Variants in DORIP1 observed in about 807,000 individuals in gnomAD.
The protein encoded by DORIP1 is dopamine receptor interacting protein 1.
the DORIP1 span, chr14:44,905,160 A>AT: frequency 1.0e-5 from 4 of 384,260 alleles, no homozygotes; most frequent in Admixed American, 1.8e-4. Flanking sequence ...CATACAGGTT[A>AT]TAAGTTCATC....
At chr14:44,899,822 GA>G in the DORIP1 span, among the ~76,000 whole-genome samples, 2,465 of 137,800 alleles carry the variant, frequency 0.018, 282 homozygotes, top group African/African-American at 0.071. Context: ...TTTCATTTAG[GA>G]ATTTTTTTTT....
chr14:44,903,849 T>A, the DORIP1 span: 4 of 985,072 alleles, frequency 4.1e-6, no homozygotes, highest in Non-Finnish European at 4.8e-6. Context: ...CTGAAACAGA[T>A]GGTTTTCTGG....
the DORIP1 span, among the ~76,000 whole-genome samples, chr14:44,898,102 C>G: frequency 1.3e-5 from 2 of 152,100 alleles, no homozygotes; most frequent in African/African-American, 4.8e-5. Flanking sequence ...TTGGAGGGCC[C>G]GTAGAGCCTG....
At chr14:44,898,317 C>G in the DORIP1 span, among the ~76,000 whole-genome samples, 3 of 152,100 alleles carry the variant, frequency 2.0e-5, no homozygotes, top group East Asian at 5.8e-4. Flanking sequence ...ACCTTCCCTC[C>G]TCCCGTTTTT....
chr14:44,900,453 A>C, the DORIP1 span: 4 of 1,530,444 alleles, frequency 2.6e-6, no homozygotes, highest in East Asian at 2.3e-5. Context: ...CACTGTTTGA[A>C]GAGATCAAAG....
chr14:44,903,567 C>G, the DORIP1 span: 18 of 1,054,398 alleles, frequency 1.7e-5, no homozygotes, highest in South Asian at 6.3e-4. Flanking sequence ...AATTGGGACC[C>G]TCAATTATCT....
chr14:44,904,534 GTGTTTTTGTTGT>G, the DORIP1 span: 3 of 1,567,562 alleles, frequency 1.9e-6, no homozygotes, highest in Admixed American at 6.0e-5. Context: ...TCACAAGTAG[GTGTTTTTGTTGT>G]TGTTTCTTTA....
the DORIP1 span, chr14:44,900,823 G>T: frequency 1.9e-6 from 3 of 1,614,024 alleles, no homozygotes; most frequent in East Asian, 2.2e-5. Flanking sequence ...ATTAATAATT[G>T]ATTTGTTTGG....
the DORIP1 span, chr14:44,903,948 A>G: frequency 1.0e-6 from 1 of 974,256 alleles, no homozygotes; most frequent in African/African-American, 1.8e-5. Flanking sequence ...ATAATTCAAT[A>G]TGTTATATTC....
At chr14:44,901,536 C>A in the DORIP1 span, among the ~76,000 whole-genome samples, 2 of 152,102 alleles carry the variant, frequency 1.3e-5, no homozygotes, top group African/African-American at 4.8e-5. Context: ...ATGAATTATT[C>A]AGTATGAAAA....
the DORIP1 span, chr14:44,900,832 G>A: frequency 6.2e-7 from 1 of 1,614,002 alleles, no homozygotes; most frequent in East Asian, 2.2e-5. Context: ...TGATTTGTTT[G>A]GGAATGAGCA....
chr14:44,900,430 T>G, the DORIP1 span: 7 of 1,461,210 alleles, frequency 4.8e-6, no homozygotes, highest in Non-Finnish European at 6.3e-6. Flanking sequence ...ACTTTTAAAA[T>G]GTAGGATGAA....
chr14:44,905,499 A>C, the DORIP1 span: 5 of 1,554,512 alleles, frequency 3.2e-6, no homozygotes, highest in Admixed American at 5.1e-5. Flanking sequence ...ATAAACCCCC[A>C]GAGTTTCTCC....
At chr14:44,903,189 A>G in the DORIP1 span, 1 of 1,552,440 alleles carries the variant, frequency 6.4e-7, no homozygotes, top group Non-Finnish European at 8.9e-7. Flanking sequence ...TCTTACATGC[A>G]TTTAATAATT....
At chr14:44,900,510 T>C in the DORIP1 span, 2 of 1,591,862 alleles carry the variant, frequency 1.3e-6, no homozygotes, top group African/African-American at 1.4e-5. Flanking sequence ...TTTGTAGGCC[T>C]GTTCTTCCTT....
the DORIP1 span, chr14:44,905,544 G>A: frequency 1.3e-6 from 2 of 1,505,342 alleles, no homozygotes; most frequent in Admixed American, 1.8e-5. Flanking sequence ...GAGCAACAGA[G>A]AAATAAATAT....
At chr14:44,903,995 C>G in the DORIP1 span, 1 of 979,076 alleles carries the variant, frequency 1.0e-6, no homozygotes, top group Non-Finnish European at 1.2e-6. Flanking sequence ...TATGAGGAAA[C>G]AATTTGTTCA....
At chr14:44,905,276 C>A in the DORIP1 span, 1 of 838,338 alleles carries the variant, frequency 1.2e-6, no homozygotes, top group African/African-American at 1.7e-5. Context: ...CAAACAATGT[C>A]AATGTTTTTA....
chr14:44,904,594 A>AT, the DORIP1 span: 10 of 1,418,966 alleles, frequency 7.0e-6, no homozygotes, highest in Non-Finnish European at 9.5e-6. Context: ...TTATATTATG[A>AT]TTTTGACTAG....
Sources: allele counts gnomAD v4.1 joint callset (sites outside exome capture counted in the v4.1 genomes callset), GRCh38; gene constraint gnomAD v4.1.1; transcripts MANE v1.5; gene names NCBI Gene and HGNC (gene_info 2026-07-23, HGNC 2026-07-21).